The following SNTG2 variants were observed in gnomAD, a reference collection of about 807,000 sequenced individuals.
SNTG2 encodes the protein syntrophin gamma 2.
In SNTG2, 74 loss-of-function variants were observed where a neutral mutation model predicts 70.9. The observed-to-expected ratio is 1.04, with a 90% CI of 0.86 to 1.27. The LOEUF is 1.27. SNTG2 is among the 50% of genes most tolerant of loss of function. The pLI is 0.00. For synonymous variants in SNTG2, 278 were observed against 273.8 expected, an observed-to-expected ratio of 1.02 and a Z score of -0.15; for missense variants, 717 against 690.7, an observed-to-expected ratio of 1.04 and a Z score of -0.43.
At chr2:1,268,924 T>C (rs1328092947) in intron 14 of SNTG2, among the ~76,000 whole-genome samples, 4 of 152,110 alleles carry the variant, frequency 2.6e-5, no homozygotes, top group Non-Finnish European at 5.9e-5. Flanking sequence ...CCCCACACCC[T>C]CTAGTGCCCC....
At chr2:1,330,391 T>C (rs1659462068) in intron 16 of SNTG2, among the ~76,000 whole-genome samples, 2 of 152,204 alleles carry the variant, frequency 1.3e-5, no homozygotes, top group African/African-American at 4.8e-5. Context: ...GAATACTGCC[T>C]AGCTAATTCC....
chr2:1,364,563 T>C (rs1661373361), intron 16 of SNTG2, among the ~76,000 whole-genome samples: 1 of 149,520 alleles, frequency 6.7e-6, no homozygotes, highest in African/African-American at 2.5e-5. Flanking sequence ...GAGACCATCC[T>C]GGCTAACACA....
At chr2:1,060,848 G>A (rs192209490) in intron 1 of SNTG2, among the ~76,000 whole-genome samples, 1 of 152,230 alleles carries the variant, frequency 6.6e-6, no homozygotes, top group African/African-American at 2.4e-5. Flanking sequence ...GGTGAAGTCA[G>A]ACCAGGAGCA....
intron 9 of SNTG2, among the ~76,000 whole-genome samples, chr2:1,230,566 A>G (rs1676149898): frequency 6.6e-6 from 1 of 152,206 alleles, no homozygotes; most frequent in East Asian, 1.9e-4. Context: ...CAGATAACCA[A>G]GAAGAAGCAC....
At chr2:1,217,661 TTATGTAGAAATGTAGTACATTG>T (rs970763373) in intron 9 of SNTG2, among the ~76,000 whole-genome samples, 3 of 152,138 alleles carry the variant, frequency 2.0e-5, no homozygotes, top group Non-Finnish European at 4.4e-5. Flanking sequence ...TACATTTCTA[TTATGTAGAAATGTAGTACATTG>T]TATGTAGAAA....
At chr2:1,116,586 G>A (rs1666989741) in intron 4 of SNTG2, among the ~76,000 whole-genome samples, 2 of 150,236 alleles carry the variant, frequency 1.3e-5, no homozygotes, top group Non-Finnish European at 3.0e-5. Flanking sequence ...TGGTGTACGG[G>A]TGCCCCGGTG....
At chr2:1,140,237 A>T (rs1244239387) in intron 6 of SNTG2, among the ~76,000 whole-genome samples, 1 of 151,010 alleles carries the variant, frequency 6.6e-6, no homozygotes, top group Non-Finnish European at 1.5e-5. Flanking sequence ...TACTACTTTA[A>T]GTTGTTAAAA....
intron 4 of SNTG2, among the ~76,000 whole-genome samples, chr2:1,127,078 G>A (rs959998225): frequency 3.3e-5 from 5 of 151,546 alleles, no homozygotes; most frequent in African/African-American, 1.2e-4. Flanking sequence ...TCATCTAGTC[G>A]TTTTATAGTT....
chr2:1,050,214 AT>A, intron 1 of SNTG2, among the ~76,000 whole-genome samples: 1 of 152,290 alleles, frequency 6.6e-6, no homozygotes, highest in East Asian at 1.9e-4. Context: ...GACTTAGTTT[AT>A]CAATTGCTAA....
At chr2:1,363,298 A>G (rs1661301714) in intron 16 of SNTG2, among the ~76,000 whole-genome samples, 1 of 152,200 alleles carries the variant, frequency 6.6e-6, no homozygotes, top group African/African-American at 2.4e-5. Context: ...GCCAAGGATA[A>G]CGGTTTCAAA....
chr2:1,052,617 G>A (rs544052400), intron 1 of SNTG2, among the ~76,000 whole-genome samples: 1 of 152,104 alleles, frequency 6.6e-6, no homozygotes, highest in African/African-American at 2.4e-5. Context: ...TTTGCTTTTG[G>A]AAACTGAAAT....
At chr2:1,267,624 C>T in intron 14 of SNTG2, 53 bp downstream of exon 14, 1 of 1,486,472 alleles carries the variant, frequency 6.7e-7, no homozygotes, top group Non-Finnish European at 9.3e-7. Flanking sequence ...GTGTCTGAGA[C>T]ATAGCATTGG....
intron 11 of SNTG2, among the ~76,000 whole-genome samples, chr2:1,246,112 A>AT (rs1677406629): frequency 6.6e-6 from 1 of 152,226 alleles, no homozygotes; most frequent in South Asian, 2.1e-4. Flanking sequence ...GTTACTTTGA[A>AT]AAGCCTTCTA....
intron 1 of SNTG2, among the ~76,000 whole-genome samples, chr2:1,026,347 C>T (rs1204992447): frequency 6.6e-6 from 1 of 152,184 alleles, no homozygotes; most frequent in Non-Finnish European, 1.5e-5. Context: ...ACTTGTTCTC[C>T]TCCTTCCAAA....
chr2:1,300,625 T>C (rs926042016), intron 14 of SNTG2, among the ~76,000 whole-genome samples: 2 of 152,220 alleles, frequency 1.3e-5, no homozygotes, highest in Non-Finnish European at 2.9e-5. Context: ...CTGATGTTGC[T>C]TCCGACAGCT....
At chr2:1,287,931 C>G (rs1044286740) in intron 14 of SNTG2, among the ~76,000 whole-genome samples, 1 of 150,998 alleles carries the variant, frequency 6.6e-6, no homozygotes, top group Non-Finnish European at 1.5e-5. Flanking sequence ...TTCCACACAG[C>G]ATCGTGATGG....
chr2:1,166,497 G>A (rs1257314865), intron 7 of SNTG2, among the ~76,000 whole-genome samples: 1 of 152,142 alleles, frequency 6.6e-6, no homozygotes, highest in East Asian at 1.9e-4. Flanking sequence ...TGTCCCTATT[G>A]TCAATGCCTT....
At chr2:1,098,855 G>A (rs111540508) in intron 4 of SNTG2, among the ~76,000 whole-genome samples, 318 of 152,312 alleles carry the variant, frequency 2.1e-3, no homozygotes, top group African/African-American at 7.4e-3. Context: ...CTGAAACGCC[G>A]TCCGTTCTGC....
chr2:1,016,264 C>T (rs762803515), intron 1 of SNTG2, among the ~76,000 whole-genome samples: 5 of 152,134 alleles, frequency 3.3e-5, no homozygotes, highest in East Asian at 3.9e-4. Context: ...TGTTTTGCGA[C>T]GGAGTCTCGC....
Sources: allele counts gnomAD v4.1 joint callset (sites outside exome capture counted in the v4.1 genomes callset), GRCh38; gene constraint gnomAD v4.1.1; transcripts MANE v1.5; gene names NCBI Gene and HGNC (gene_info 2026-07-23, HGNC 2026-07-21).